TRAPPC9: variants seen among roughly 807,000 people sequenced by gnomAD.
The protein encoded by TRAPPC9 is IKK2 binding protein.
TRAPPC9 carries 83 observed loss-of-function variants against 124.0 expected under a neutral mutation model. The observed-to-expected ratio is 0.67, with a 90% CI of 0.56 to 0.80. The LOEUF is 0.80. Among genes scored for constraint, TRAPPC9 ranks in the 30% least tolerant of loss-of-function variants. TRAPPC9 has a pLI of 0.00. For missense variants in TRAPPC9, 1,302 were observed against 1,508.3 expected (o/e 0.86, Z 2.27); for synonymous variants, 638 against 617.5 (o/e 1.03, Z -0.49).
At chr8:139,950,298 C>G (rs74352180) in intron 19 of TRAPPC9, among the ~76,000 whole-genome samples, 1 of 152,222 alleles carries the variant, frequency 6.6e-6, no homozygotes, top group African/African-American at 2.4e-5. Flanking sequence ...CTTGGCAAAC[C>G]GCGGAGCTCA....
chr8:140,344,728 T>C (rs578203086), intron 9 of TRAPPC9, among the ~76,000 whole-genome samples: 6 of 152,364 alleles, frequency 3.9e-5, no homozygotes, highest in African/African-American at 7.2e-5. Context: ...TGGCTGGTGC[T>C]GAGTGAATGT....
intron 21 of TRAPPC9, among the ~76,000 whole-genome samples, chr8:139,842,552 A>G (rs927586974): frequency 1.3e-5 from 2 of 152,196 alleles, no homozygotes; most frequent in African/African-American, 4.8e-5. Flanking sequence ...CAGGCGATTC[A>G]TCACATTTGT....
At chr8:140,045,653 A>AC in intron 17 of TRAPPC9, among the ~76,000 whole-genome samples, 1 of 144,058 alleles carries the variant, frequency 6.9e-6, no homozygotes, top group Non-Finnish European at 1.5e-5. Context: ...AAAAAAAAAA[A>AC]AAAAAACCAA....
intron 10 of TRAPPC9, among the ~76,000 whole-genome samples, chr8:140,309,979 T>C (rs1019597545): frequency 6.6e-6 from 1 of 152,164 alleles, no homozygotes; most frequent in Non-Finnish European, 1.5e-5. Context: ...AAAATTCCAG[T>C]GTGGCCTGCC....
At chr8:139,878,152 A>C (rs760511475) in intron 21 of TRAPPC9, among the ~76,000 whole-genome samples, 9 of 152,238 alleles carry the variant, frequency 5.9e-5, no homozygotes, top group Non-Finnish European at 1.2e-4. Context: ...ACAAGTATTA[A>C]ATTATCTTGT....
rs143137025 is a variant in TRAPPC9 at position 139,932,262 on chromosome 8, G to A, written c.2811-21962C>T. The A allele has an allele frequency of 3.6e-4, 162 of 453,070 alleles. No homozygotes were observed. The East Asian group carries it at 8.7e-3, about 24-fold the overall frequency. The allele number at this position is 453,070 out of a possible 1,614,324, so 28.1% of individuals were successfully genotyped here. ...TGCAGCCGAGGGAGTCCCGCACCAC[G>A]GGGCCTCGCTCAGGGTAGCCACCAT... is the stretch of plus-strand genomic sequence containing the variant. On this transcript the variant is annotated intron_variant, in intron 19 of 22. Coordinates refer to ENST00000438773, the MANE Select transcript of TRAPPC9 (RefSeq NM_001160372.4).
chr8:140,280,068 C>A (rs1392400767), intron 14 of TRAPPC9, among the ~76,000 whole-genome samples: 2 of 152,230 alleles, frequency 1.3e-5, no homozygotes, highest in Admixed American at 1.3e-4. Flanking sequence ...TGGTGCCCTG[C>A]ACAGGCCTGT....
intron 9 of TRAPPC9, among the ~76,000 whole-genome samples, chr8:140,357,249 G>C (rs2067781002): frequency 6.6e-6 from 1 of 152,186 alleles, no homozygotes; most frequent in Admixed American, 6.5e-5. Context: ...TGAAGGGGCA[G>C]GGTGTGGGGA....
At chr8:139,781,782 T>C (rs1821839817) in intron 21 of TRAPPC9, among the ~76,000 whole-genome samples, 1 of 152,180 alleles carries the variant, frequency 6.6e-6, no homozygotes, top group Non-Finnish European at 1.5e-5. Context: ...TTCTACTCGA[T>C]TTTGCTGTGA....
At chr8:140,233,634 C>T (rs1490812718) in intron 16 of TRAPPC9, among the ~76,000 whole-genome samples, 2 of 145,414 alleles carry the variant, frequency 1.4e-5, no homozygotes, top group African/African-American at 2.5e-5. Flanking sequence ...CACACACACA[C>T]ACACACACAC....
At chr8:139,853,118 G>A (rs1429492286) in intron 21 of TRAPPC9, among the ~76,000 whole-genome samples, 10 of 152,176 alleles carry the variant, frequency 6.6e-5, no homozygotes, top group Middle Eastern at 3.2e-3. Context: ...GCATGGGGAC[G>A]CTCCATGCTG....
intron 11 of TRAPPC9, among the ~76,000 whole-genome samples, chr8:140,297,386 T>C (rs2065838684): frequency 7.3e-6 from 1 of 137,440 alleles, no homozygotes; most frequent in Non-Finnish European, 1.6e-5. Flanking sequence ...AATATACACA[T>C]GCATACACAC....
intron 9 of TRAPPC9, among the ~76,000 whole-genome samples, chr8:140,320,590 C>T (rs980061925): frequency 2.6e-5 from 4 of 152,202 alleles, no homozygotes; most frequent in Admixed American, 2.0e-4. Context: ...ATCCAGCACC[C>T]GGTTATCGGG....
At chr8:139,743,613 G>C (rs1051425838) in intron 21 of TRAPPC9, among the ~76,000 whole-genome samples, 14 of 152,118 alleles carry the variant, frequency 9.2e-5, no homozygotes, top group African/African-American at 2.7e-4. Flanking sequence ...ATTAATCAAG[G>C]AGTTTTCTCC....
chr8:140,392,321 A>G (rs1440953414), intron 7 of TRAPPC9, among the ~76,000 whole-genome samples: 1 of 152,226 alleles, frequency 6.6e-6, no homozygotes, highest in Non-Finnish European at 1.5e-5. Context: ...CATATTATCA[A>G]TGAGTTTCAG....
At chr8:140,396,144 T>C (rs1425535506) in intron 7 of TRAPPC9, among the ~76,000 whole-genome samples, 77 of 146,318 alleles carry the variant, frequency 5.3e-4, no homozygotes, top group Non-Finnish European at 7.5e-4. Flanking sequence ...TTGCCTTTTT[T>C]TTTTTTTTTT....
At chr8:140,128,018 C>G (rs1587765767) in intron 17 of TRAPPC9, among the ~76,000 whole-genome samples, 1 of 152,230 alleles carries the variant, frequency 6.6e-6, no homozygotes, top group African/African-American at 2.4e-5. Flanking sequence ...ACTTGCCTTA[C>G]TAAAATGATT....
chr8:140,445,705 C>A (rs1376831458), intron 2 of TRAPPC9, among the ~76,000 whole-genome samples: 1 of 152,248 alleles, frequency 6.6e-6, no homozygotes, highest in Non-Finnish European at 1.5e-5. Context: ...TGTTCCACCA[C>A]CCTAGAATGT....
In TRAPPC9 at chr8:140,268,620, G is replaced by A. The variant is rs143586034; in HGVS notation, c.2278+7038C>T. On this transcript the variant is annotated intron_variant, in intron 15 of 22. Transcript: ENST00000438773. Reference sequence around the variant, plus strand: ...GCCTTTGTTTTTATGCCGGCTCCTCGTGCAGCTGACCTGTGACCTGAGGCT... The same window carrying A: ...GCCTTTGTTTTTATGCCGGCTCCTCATGCAGCTGACCTGTGACCTGAGGCT... 5.4e-3 allele frequency among the ~76,000 whole-genome samples: 818 copies of A among 152,200 alleles called. 7 individuals carry two copies. Among genetic ancestry groups the A allele is most frequent in the Non-Finnish European group, 7.4e-3 (506 of 67,988 alleles).
Sources: allele counts gnomAD v4.1 joint callset (sites outside exome capture counted in the v4.1 genomes callset), GRCh38; gene constraint gnomAD v4.1.1; transcripts MANE v1.5; gene names NCBI Gene and HGNC (gene_info 2026-07-23, HGNC 2026-07-21).